SFMBT1: variants seen among roughly 807,000 people sequenced by gnomAD.
SFMBT1 encodes Scm like with four mbt domains 1.
A neutral mutation model predicts 108.7 loss-of-function variants in SFMBT1; 32 were observed. The observed-to-expected ratio is 0.29, with a 90% CI of 0.22 to 0.40. The LOEUF (loss-of-function observed/expected upper bound fraction) is 0.40, where lower values mean the gene tolerates loss of function less well. Among genes scored for constraint, SFMBT1 ranks in the 10% least tolerant of loss-of-function variants. The pLI, the probability that SFMBT1 is intolerant of heterozygous loss-of-function variation, is 1.00. For missense variants in SFMBT1, 816 were observed against 1,059.6 expected, an observed-to-expected ratio of 0.77 and a Z score of 3.19; for synonymous variants, 348 against 369.5, an observed-to-expected ratio of 0.94 and a Z score of 0.67.
At chr3:52,975,992 T>TA (rs1329114158) in intron 1 of SFMBT1, among the ~76,000 whole-genome samples, 2 of 152,016 alleles carry the variant, frequency 1.3e-5, no homozygotes, top group East Asian at 3.9e-4. Flanking sequence ...ACCTGGGTGA[T>TA]AGAGCAAGAC....
At chr3:52,941,880 CA>C (rs1227427368) in intron 4 of SFMBT1, among the ~76,000 whole-genome samples, 1 of 152,116 alleles carries the variant, frequency 6.6e-6, no homozygotes, top group African/African-American at 2.4e-5. Flanking sequence ...GCCTGGCTGA[CA>C]GAGCGAGATT....
chr3:52,966,905 T>C (rs1246294512), intron 2 of SFMBT1, among the ~76,000 whole-genome samples: 2 of 117,406 alleles, frequency 1.7e-5, no homozygotes, highest in African/African-American at 3.2e-5. Flanking sequence ...TAAAAGTAGG[T>C]AAGATTTCTA....
At chr3:53,041,586 T>C (rs1011776457) in intron 1 of SFMBT1, among the ~76,000 whole-genome samples, 3 of 150,344 alleles carry the variant, frequency 2.0e-5, no homozygotes, top group Non-Finnish European at 4.4e-5. Context: ...TAATCCCAGC[T>C]ACTTGGGAGG....
At chr3:52,932,984 C>T (rs1443446359) in intron 5 of SFMBT1, among the ~76,000 whole-genome samples, 1 of 151,768 alleles carries the variant, frequency 6.6e-6, no homozygotes, top group Non-Finnish European at 1.5e-5. Flanking sequence ...AAAAATCAAA[C>T]AAAAGTCAAA....
At chr3:53,010,293 G>C (rs1698896524) in intron 1 of SFMBT1, among the ~76,000 whole-genome samples, 1 of 152,222 alleles carries the variant, frequency 6.6e-6, no homozygotes, top group African/African-American at 2.4e-5. Flanking sequence ...CCTACTGCAA[G>C]GAGTGCAAGG....
intron 1 of SFMBT1, among the ~76,000 whole-genome samples, chr3:52,991,656 G>A (rs769553217): frequency 1.3e-5 from 2 of 152,070 alleles, no homozygotes; most frequent in Non-Finnish European, 2.9e-5. Context: ...CACGTTGAAA[G>A]TTAATCCCTA....
intron 1 of SFMBT1, among the ~76,000 whole-genome samples, chr3:53,023,803 A>G (rs932101355): frequency 1.3e-5 from 2 of 152,182 alleles, no homozygotes; most frequent in Non-Finnish European, 2.9e-5. Context: ...AATTCCTAGA[A>G]TTACATCCCT....
At chr3:53,039,178 G>A (rs1401447630) in intron 1 of SFMBT1, among the ~76,000 whole-genome samples, 2 of 152,176 alleles carry the variant, frequency 1.3e-5, no homozygotes, top group African/African-American at 4.8e-5. Context: ...GCTCTGCTGG[G>A]CACATACGGA....
Position 52,943,612 on chromosome 3 carries a change from T to C in SFMBT1, c.124-19A>G, listed in dbSNP as rs1703264348. On this transcript the variant is annotated intron_variant, in intron 3 of 20. Coordinates refer to ENST00000394752, the MANE Select transcript of SFMBT1 (RefSeq NM_016329.4). Reference sequence around the variant, plus strand: ...TGTCCACCTTAACAGGGAAATGTTATTAAGCACCAGACAAGTATCTTAAAT... The same window carrying C: ...TGTCCACCTTAACAGGGAAATGTTACTAAGCACCAGACAAGTATCTTAAAT... The C allele has an allele frequency of 2.5e-6, 4 of 1,614,240 alleles. No individual in the cohort carries two copies. Among genetic ancestry groups the C allele is most frequent in the Middle Eastern group, 1.6e-4 (1 of 6,062 alleles).
intron 2 of SFMBT1, among the ~76,000 whole-genome samples, chr3:52,966,608 G>T: frequency 8.9e-6 from 1 of 112,154 alleles, no homozygotes; most frequent in East Asian, 2.8e-4. Flanking sequence ...CTGGGTGACA[G>T]AGCGAGACTC....
intron 1 of SFMBT1, among the ~76,000 whole-genome samples, chr3:53,030,660 G>GT (rs1699652011): frequency 9.2e-6 from 1 of 108,302 alleles, no homozygotes; most frequent in Non-Finnish European, 1.8e-5. Context: ...TAAAATTACA[G>GT]TAACTTTCAA....
chr3:52,905,347 C>T, intron 20 of SFMBT1, 71 bp from the exon 21 acceptor site: 2 of 1,473,360 alleles, frequency 1.4e-6, no homozygotes, highest in Non-Finnish European at 9.2e-7. Flanking sequence ...ACAGCCTCTC[C>T]TCACTTTAGC....
At chr3:52,953,100 A>G (rs1294578482) in intron 3 of SFMBT1, among the ~76,000 whole-genome samples, 1 of 152,262 alleles carries the variant, frequency 6.6e-6, no homozygotes, top group African/African-American at 2.4e-5. Flanking sequence ...AGACTATGAC[A>G]AATATGAAAT....
At chr3:52,955,065 T>C (rs890287803) in intron 2 of SFMBT1, among the ~76,000 whole-genome samples, 2 of 151,892 alleles carry the variant, frequency 1.3e-5, no homozygotes, top group South Asian at 2.1e-4. Flanking sequence ...AAGATCAGAA[T>C]AGAACTGAAG....
In SFMBT1 at chr3:52,905,371, G is replaced by C. The variant is rs1702040741; in HGVS notation, c.2461-95C>G. The C allele has an allele frequency of 2.4e-6, 3 of 1,273,664 alleles. No individual in the cohort carries two copies. The East Asian group carries it at 7.7e-5, about 33-fold the overall frequency. 78.9% of individuals were successfully genotyped at this position (1,273,664 alleles called of 1,614,324 possible). A position where few individuals can be genotyped will look rare whatever the true frequency, so the allele number is the denominator to read the frequency against. ...CCTCACTTTAGCTCTGTCAAAACTGGAATCCCTATGCTTTCCTTTCCTTAC... is the reference window on the plus strand; with the variant it reads ...CCTCACTTTAGCTCTGTCAAAACTGCAATCCCTATGCTTTCCTTTCCTTAC... On this transcript the variant is annotated intron_variant, in intron 20 of 20. Transcript: ENST00000394752.
intron 1 of SFMBT1, among the ~76,000 whole-genome samples, chr3:53,010,412 G>T (rs9859682): frequency 0.021 from 3,142 of 152,318 alleles, 120 homozygotes; most frequent in African/African-American, 0.072. Flanking sequence ...GCCAGGCCAG[G>T]GGAAAGTAGC....
chr3:53,040,087 A>G (rs1342536271), intron 1 of SFMBT1, among the ~76,000 whole-genome samples: 2 of 152,194 alleles, frequency 1.3e-5, no homozygotes, highest in Non-Finnish European at 2.9e-5. Context: ...AGCATATTTT[A>G]GAAGAACCGA....
At chr3:52,925,490 A>C (rs1559512634) in intron 10 of SFMBT1, among the ~76,000 whole-genome samples, 1 of 152,254 alleles carries the variant, frequency 6.6e-6, no homozygotes. Flanking sequence ...GACATGTCTA[A>C]AATAAATGAC....
chr3:52,993,798 T>C (rs1432038783), intron 1 of SFMBT1, among the ~76,000 whole-genome samples: 1 of 150,422 alleles, frequency 6.6e-6, no homozygotes, highest in Non-Finnish European at 1.5e-5. Flanking sequence ...ACTTTTCTTA[T>C]TTATACACAA....
Sources: gnomAD v4.1 joint callset for allele counts (sites outside exome capture counted in the v4.1 genomes callset) on GRCh38, gnomAD v4.1.1 for gene constraint, MANE v1.5 for transcripts, NCBI Gene and HGNC (gene_info 2026-07-23, HGNC 2026-07-21) for gene names.